Variants in PLA2G6 observed in about 807,000 individuals in gnomAD.
PLA2G6 encodes the protein 85/88 kDa calcium-independent phospholipase A2.
Under a neutral mutation model 83.8 loss-of-function variants are expected in PLA2G6, and 62 were observed. The ratio of observed to expected loss-of-function variants is 0.74; its 90% CI spans 0.60 to 0.91. The LOEUF (loss-of-function observed/expected upper bound fraction) is 0.91, where lower values mean the gene tolerates loss of function less well. Among genes scored for constraint, PLA2G6 ranks in the 40% least tolerant of loss-of-function variants. The pLI, the probability that PLA2G6 is intolerant of heterozygous loss-of-function variation, is 0.00. For synonymous variants in PLA2G6, 417 were observed against 449.8 expected, an observed-to-expected ratio of 0.93 and a Z score of 0.92; for missense variants, 944 against 1,102.0, an observed-to-expected ratio of 0.86 and a Z score of 2.03.
At chr22:38,112,328 G>A in intron 16 of PLA2G6, 23 bp from the exon 17 acceptor site, 1 of 1,611,286 alleles carries the variant, frequency 6.2e-7, no homozygotes, top group South Asian at 1.1e-5. Context: ...GGGAGGAGGG[G>A]GTCACCCTAG....
Position 38,132,967 on chromosome 22 carries a change from C to T in PLA2G6, c.941G>A (p.Ser314Asn), listed in dbSNP as rs2145771215. The T allele has an allele frequency of 6.4e-7, 1 of 1,565,700 alleles. No homozygotes were observed. Among genetic ancestry groups the T allele is most frequent in the East Asian group, 2.4e-5 (1 of 42,244 alleles). ...GTGCAGGGCCGTGTTCCCCGCGGAGCTGGTGCTGTTCACGTTGCAGCCCCG... is the reference window on the plus strand; with the variant it reads ...GTGCAGGGCCGTGTTCCCCGCGGAGTTGGTGCTGTTCACGTTGCAGCCCCG... ...LKRGCNVNST[S>N]SAGNTALHVA... The change falls in exon 7 of 17, where the codon AGC becomes AAC. Residue 314 changes from serine (S) to asparagine (N), a missense_variant. Coordinates refer to ENST00000332509, the MANE Select transcript of PLA2G6 (RefSeq NM_003560.4). The surrounding 1 kb of genome is among the most constrained non-coding windows in gnomAD (Gnocchi z 5.0).
chr22:38,176,090 G>A (rs2090620258), intron 1 of PLA2G6, among the ~76,000 whole-genome samples: 1 of 152,152 alleles, frequency 6.6e-6, no homozygotes, highest in South Asian at 2.1e-4. Flanking sequence ...CCCACAAGGG[G>A]TTCGCTCCTC....
At chr22:38,112,366 G>C in intron 16 of PLA2G6, 61 bp from the exon 17 acceptor site, 1 of 1,585,756 alleles carries the variant, frequency 6.3e-7, no homozygotes. Flanking sequence ...GGGGACGCCA[G>C]CTAGGACCAG....
At chr22:38,145,325 G>A (rs1330625026) in intron 3 of PLA2G6, 113 bp downstream of exon 3, 19 of 895,514 alleles carry the variant, frequency 2.1e-5, no homozygotes, top group Non-Finnish European at 3.4e-5. Context: ...GACCATGCCA[G>A]GCCCTGCTCC....
chr22:38,111,938 G>A lies in PLA2G6; in HGVS notation c.*223C>T, dbSNP rs2145660079. 1.7e-6 allele frequency: 1 copy of A among 605,488 alleles called. No homozygotes were observed. The highest frequency in any genetic ancestry group is 2.9e-6 in the Non-Finnish European group (1 of 339,656). 37.5% of individuals were successfully genotyped at this position (605,488 alleles called of 1,614,324 possible). ...GGGAAAGGGGCCAAAGGGGGCTCTAGACTTTCCCAGCCTGGAATGACAGAA... is the reference window on the plus strand; with the variant it reads ...GGGAAAGGGGCCAAAGGGGGCTCTAAACTTTCCCAGCCTGGAATGACAGAA... On this transcript the variant is annotated 3_prime_UTR_variant, in exon 17 of 17. Coordinates refer to ENST00000332509, the MANE Select transcript of PLA2G6 (RefSeq NM_003560.4).
chr22:38,116,851 CAAAAAAAAAAAAAAAAA>C (rs57712042), intron 12 of PLA2G6, among the ~76,000 whole-genome samples: 4 of 37,644 alleles, frequency 1.1e-4, no homozygotes, highest in Non-Finnish European at 1.5e-4. Context: ...AACTCCGTCT[CAAAAAAAAAAAAAAAAA>C]AAAAAAAACA....
intron 2 of PLA2G6, among the ~76,000 whole-genome samples, chr22:38,158,022 C>A (rs577815058): frequency 6.6e-6 from 1 of 151,460 alleles, no homozygotes; most frequent in Admixed American, 6.6e-5. Flanking sequence ...GGCAACAGAG[C>A]GACACCCCAT....
Position 38,120,858 on chromosome 22 carries a change from ACCT to A in PLA2G6, c.1640_1642del (p.Glu547del). On this transcript the variant is annotated inframe_deletion, in exon 12 of 17. Transcript: ENST00000332509. ...CTCGTAGGGCCTGGAGCCCCGGAAC[ACCT>A]CATCCTTCATGCGAAAGTACATGCC... 6.2e-7 allele frequency: 1 copy of A among 1,613,786 alleles called. No individual in the cohort carries two copies. The highest frequency in any genetic ancestry group is 8.5e-7 in the Non-Finnish European group (1 of 1,180,000).
intron 9 of PLA2G6, chr22:38,126,978 G>C (rs1334638431): frequency 1.9e-6 from 2 of 1,065,484 alleles, no homozygotes; most frequent in Non-Finnish European, 2.3e-6. Context: ...CCTGATCCCA[G>C]GTCTGGAAAT....
chr22:38,113,439 G>C (rs1317184738), intron 15 of PLA2G6, 48 bp downstream of exon 15: 3 of 1,584,922 alleles, frequency 1.9e-6, no homozygotes, highest in Non-Finnish European at 2.6e-6. Context: ...CATCGACCTG[G>C]GCTACAGACC....
chr22:38,122,222 G>A (rs2235346), intron 11 of PLA2G6, among the ~76,000 whole-genome samples: 1 of 151,706 alleles, frequency 6.6e-6, no homozygotes, highest in Non-Finnish European at 1.5e-5. Flanking sequence ...AGTCCTCCCC[G>A]GGCACCTCCA....
At chr22:38,162,060 T>C (rs888815427) in intron 2 of PLA2G6, among the ~76,000 whole-genome samples, 1 of 151,536 alleles carries the variant, frequency 6.6e-6, no homozygotes, top group Non-Finnish European at 1.5e-5. Context: ...ATACAAAAAT[T>C]AGCCGGGTGT....
rs1032811966 is a variant in PLA2G6, at chr22:38,140,239, G to A, written c.610-70C>T. The A allele has an allele frequency of 4.9e-6, 7 of 1,433,324 alleles. No individual in the cohort carries two copies. In the South Asian group the frequency reaches 5.8e-5, roughly 12 times the overall value. 88.8% of individuals were successfully genotyped at this position (1,433,324 alleles called of 1,614,324 possible). On this transcript the variant is annotated intron_variant, in intron 4 of 16. Coordinates refer to ENST00000332509, the MANE Select transcript of PLA2G6 (RefSeq NM_003560.4). ...AGAACGTAAAGAGGCCGGGCGCAGT[G>A]GCTCATGCCTGTAATCCTAGCACTT...
chr22:38,144,630 C>T (rs1455211596), intron 3 of PLA2G6: 19 of 89,210 alleles, frequency 2.1e-4, no homozygotes, highest in Admixed American at 1.5e-3. Context: ...GAGACTCCGT[C>T]TCAAAAAAAA....
intron 15 of PLA2G6, chr22:38,112,907 CTT>C (rs1491097915): frequency 6.2e-5 from 21 of 338,708 alleles, no homozygotes; most frequent in African/African-American, 1.1e-4. Context: ...CTCTCTCTCT[CTT>C]TCTTTCTTTC....
chr22:38,158,170 C>CTTTTT (rs558539609), intron 2 of PLA2G6, among the ~76,000 whole-genome samples: 1 of 136,498 alleles, frequency 7.3e-6, no homozygotes, highest in African/African-American at 2.7e-5. Context: ...TTTTTCTTTT[C>CTTTTT]TTTTTTTTTT....
intron 1 of PLA2G6, among the ~76,000 whole-genome samples, chr22:38,172,318 CAG>C (rs1164644065): frequency 6.6e-6 from 1 of 152,200 alleles, no homozygotes; most frequent in Non-Finnish European, 1.5e-5. Context: ...TGGGCTGGCC[CAG>C]AGTCTGAGTT....
At chr22:38,144,475 A>C (rs936193576) in intron 3 of PLA2G6, 2 of 152,022 alleles carry the variant, frequency 1.3e-5, no homozygotes, top group African/African-American at 4.8e-5. Context: ...ACTAAAAAAC[A>C]CAAAAAAATT....
chr22:38,131,522 A>G (rs1269640825), intron 7 of PLA2G6: 2 of 152,274 alleles, frequency 1.3e-5, no homozygotes, highest in Non-Finnish European at 2.9e-5. Context: ...TTCAGAGTAT[A>G]AAGGGATCAA....
Sources: allele counts gnomAD v4.1 joint callset (sites outside exome capture counted in the v4.1 genomes callset), GRCh38; gene constraint gnomAD v4.1.1; non-coding constraint Gnocchi (gnomAD v3.1); transcripts MANE v1.5; gene names NCBI Gene and HGNC (gene_info 2026-07-23, HGNC 2026-07-21).